The following SCTR variants were observed in gnomAD, a reference collection of about 807,000 sequenced individuals.
SCTR encodes pancreatic secretin receptor.
In SCTR, 56 loss-of-function variants were observed where a neutral mutation model predicts 60.8. The observed-to-expected ratio is 0.92, with a 90% CI of 0.74 to 1.15. The LOEUF (loss-of-function observed/expected upper bound fraction) is 1.15. Ranked by LOEUF, SCTR falls within the 50% of genes most tolerant of loss-of-function variation. The probability of loss-of-function intolerance (pLI) is 0.00; values close to 1 mark genes in which losing one functional copy is unlikely to be tolerated. For synonymous variants in SCTR, 202 were observed against 217.0 expected, an observed-to-expected ratio of 0.93 and a Z score of 0.61; for missense variants, 562 against 550.4, an observed-to-expected ratio of 1.02 and a Z score of -0.21.
chr2:119,489,744 C>G (rs1478624391), intron 2 of SCTR, among the ~76,000 whole-genome samples: 1 of 152,114 alleles, frequency 6.6e-6, no homozygotes, highest in African/African-American at 2.4e-5. Flanking sequence ...AATGGACAGG[C>G]AGGAAATTGC....
intron 3 of SCTR, among the ~76,000 whole-genome samples, chr2:119,477,542 C>T (rs1162469150): frequency 2.6e-5 from 4 of 152,108 alleles, no homozygotes; most frequent in Non-Finnish European, 5.9e-5. Context: ...CCTCAGCCTC[C>T]CAGGTTCAAG....
chr2:119,519,319 GTTGGAT>G (rs1209609820), intron 1 of SCTR, among the ~76,000 whole-genome samples: 1 of 152,156 alleles, frequency 6.6e-6, no homozygotes, highest in Non-Finnish European at 1.5e-5. Flanking sequence ...ATCTCCTCCT[GTTGGAT>G]TTTGTGACCC....
intron 1 of SCTR, among the ~76,000 whole-genome samples, chr2:119,513,724 A>G (rs1298246082): frequency 6.6e-6 from 1 of 152,092 alleles, no homozygotes; most frequent in Non-Finnish European, 1.5e-5. Context: ...CATTAATTAC[A>G]CATCAGAGCT....
At chr2:119,474,477 C>A (rs1465475036) in intron 3 of SCTR, among the ~76,000 whole-genome samples, 1 of 152,220 alleles carries the variant, frequency 6.6e-6, no homozygotes, top group Non-Finnish European at 1.5e-5. Context: ...GTACTCTGAG[C>A]TGCCAAGGAG....
intron 1 of SCTR, among the ~76,000 whole-genome samples, 164 bp from the exon 2 acceptor site, chr2:119,494,712 C>G (rs2104902197): frequency 6.6e-6 from 1 of 152,336 alleles, no homozygotes; most frequent in East Asian, 1.9e-4. Flanking sequence ...GCAGCCACTC[C>G]TGGGAGAGAA....
chr2:119,494,300 T>C (rs1418845927), intron 2 of SCTR, 128 bp downstream of exon 2: 2 of 1,041,812 alleles, frequency 1.9e-6, no homozygotes, highest in Non-Finnish European at 2.7e-6. Flanking sequence ...ACCAGCTGAT[T>C]GTCTGAGTGA....
intron 1 of SCTR, among the ~76,000 whole-genome samples, chr2:119,512,329 C>T (rs917215077): frequency 2.1e-4 from 18 of 84,374 alleles, no homozygotes; most frequent in African/African-American, 1.0e-3. Flanking sequence ...TTCCCCTTCC[C>T]CTTCCCCTTC....
At chr2:119,487,927 G>T (rs1677946816) in intron 2 of SCTR, among the ~76,000 whole-genome samples, 1 of 152,152 alleles carries the variant, frequency 6.6e-6, no homozygotes, top group South Asian at 2.1e-4. Context: ...ACAGGTGTCA[G>T]GATAGAGTCT....
chr2:119,482,906 T>G (rs1175407798), intron 2 of SCTR, among the ~76,000 whole-genome samples: 1 of 152,232 alleles, frequency 6.6e-6, no homozygotes, highest in Non-Finnish European at 1.5e-5. Context: ...TGCAGCAGGA[T>G]GCCTCGTTTC....
intron 2 of SCTR, among the ~76,000 whole-genome samples, chr2:119,482,580 C>T (rs1286976130): frequency 6.6e-6 from 1 of 152,216 alleles, no homozygotes; most frequent in East Asian, 1.9e-4. Context: ...CCAGAAGCTT[C>T]ACCTGCAAGA....
At chr2:119,446,630 C>G in intron 11 of SCTR, 129 bp downstream of exon 11, 1 of 895,768 alleles carries the variant, frequency 1.1e-6, no homozygotes, top group East Asian at 3.0e-5. Context: ...ACTGTCAGGT[C>G]CGACCCCTTC....
chr2:119,465,228 T>C (rs555935149), intron 5 of SCTR, among the ~76,000 whole-genome samples: 10 of 152,304 alleles, frequency 6.6e-5, no homozygotes, highest in Admixed American at 5.9e-4. Flanking sequence ...TTGTTGGCCC[T>C]GGTGTTGCTG....
At chr2:119,449,089 A>T (rs1683043310) in intron 9 of SCTR, among the ~76,000 whole-genome samples, 1 of 152,246 alleles carries the variant, frequency 6.6e-6, no homozygotes, top group Admixed American at 6.5e-5. Context: ...TATTGTTAAA[A>T]TGCAGGTTTG....
chr2:119,521,139 C>G (rs892063831), intron 1 of SCTR, among the ~76,000 whole-genome samples: 2 of 152,162 alleles, frequency 1.3e-5, no homozygotes, highest in Non-Finnish European at 2.9e-5. Context: ...AAGGAAAAAC[C>G]AGCCCCACAC....
chr2:119,494,838 GC>G (rs960519186), intron 1 of SCTR, among the ~76,000 whole-genome samples: 86 of 152,318 alleles, frequency 5.6e-4, no homozygotes, highest in African/African-American at 2.0e-3. Context: ...TGCTTTCTCA[GC>G]ATCTTATTCT....
chr2:119,485,871 A>G (rs1370108767), intron 2 of SCTR: 1 of 152,536 alleles, frequency 6.6e-6, no homozygotes, highest in Non-Finnish European at 1.5e-5. Flanking sequence ...GCTCCTGCAC[A>G]GCGGCCTGTT....
intron 7 of SCTR, among the ~76,000 whole-genome samples, chr2:119,457,998 A>G (rs1384818740): frequency 6.6e-6 from 1 of 152,228 alleles, no homozygotes; most frequent in Non-Finnish European, 1.5e-5. Flanking sequence ...AATAACAATT[A>G]AACAAATGCC....
intron 2 of SCTR, chr2:119,486,670 C>T (rs1677881053): frequency 6.6e-6 from 1 of 152,178 alleles, no homozygotes; most frequent in Non-Finnish European, 1.5e-5. Context: ...CCTGTTTCGG[C>T]TCTGTGCGAT....
intron 8 of SCTR, among the ~76,000 whole-genome samples, 180 bp from the exon 9 acceptor site, chr2:119,452,259 C>A (rs1683202284): frequency 6.6e-6 from 1 of 152,208 alleles, no homozygotes; most frequent in Non-Finnish European, 1.5e-5. Flanking sequence ...AGGAGCACTG[C>A]TGGGGCTGAG....
Sources: gnomAD v4.1 joint callset for allele counts (sites outside exome capture counted in the v4.1 genomes callset) on GRCh38, gnomAD v4.1.1 for gene constraint, MANE v1.5 for transcripts, NCBI Gene and HGNC (gene_info 2026-07-23, HGNC 2026-07-21) for gene names.